Variants in PARD3B observed in about 807,000 individuals in gnomAD.
The protein encoded by PARD3B is partitioning defective 3 homolog B.
In PARD3B, 103 loss-of-function variants were observed where a neutral mutation model predicts 130.2. That is an observed-to-expected ratio of 0.79 (90% CI 0.67 to 0.93). PARD3B has a LOEUF of 0.93. Among genes scored for constraint, PARD3B ranks in the 40% least tolerant of loss-of-function variants. The probability of loss-of-function intolerance (pLI) is 0.00; values close to 1 mark genes in which losing one functional copy is unlikely to be tolerated. For missense variants in PARD3B, 1,609 were observed against 1,499.2 expected, an observed-to-expected ratio of 1.07 and a Z score of -1.21; for synonymous variants, 583 against 553.2, an observed-to-expected ratio of 1.05 and a Z score of -0.76.
chr2:204,698,123 G>A (rs1173100911), intron 2 of PARD3B, among the ~76,000 whole-genome samples: 1 of 152,012 alleles, frequency 6.6e-6, no homozygotes, highest in Non-Finnish European at 1.5e-5. Flanking sequence ...CCAATTACAC[G>A]GGCCATGTAT....
At chr2:204,958,467 A>G (rs1298727203) in intron 2 of PARD3B, among the ~76,000 whole-genome samples, 1 of 152,206 alleles carries the variant, frequency 6.6e-6, no homozygotes, top group African/African-American at 2.4e-5. Flanking sequence ...GTGTTCTTGT[A>G]TGATGAAGAA....
intron 22 of PARD3B, among the ~76,000 whole-genome samples, chr2:205,614,153 A>G (rs961932784): frequency 6.6e-6 from 1 of 152,174 alleles, no homozygotes. Flanking sequence ...CCCAGGCTAG[A>G]TAAAATGCAG....
rs189186138 is a variant in PARD3B, at chr2:205,012,687, T to G, written c.395-34894T>G. On this transcript the variant is annotated intron_variant, in intron 3 of 22. Coordinates refer to ENST00000406610, the MANE Select transcript of PARD3B (RefSeq NM_001302769.2). The stretch of plus-strand genomic sequence containing the variant: ...AACGCATACAACCGCATTAAAGAGA[T>G]AGTGTTTTAACTGCACATATAACTT... Among the ~76,000 whole-genome samples the G allele has an allele frequency of 9.2e-5, 14 of 152,360 alleles. 1 individual carries two copies. The highest frequency in any genetic ancestry group is 2.9e-4 in the African/African-American group (12 of 41,596).
chr2:205,581,452 T>C (rs1321206656), intron 22 of PARD3B, among the ~76,000 whole-genome samples: 1 of 146,542 alleles, frequency 6.8e-6, no homozygotes, highest in Non-Finnish European at 1.5e-5. Context: ...TATAAATATA[T>C]ATGACAGGAT....
rs1007684357 is a variant in PARD3B at position 204,907,160 on chromosome 2, T to G, written c.223-57992T>G. 2.6e-5 allele frequency among the ~76,000 whole-genome samples: 4 copies of G among 152,084 alleles called. No individual in the cohort carries two copies. Among genetic ancestry groups the G allele is most frequent in the Non-Finnish European group, 1.5e-5 (1 of 68,024 alleles). On this transcript the variant is annotated intron_variant, in intron 2 of 22. Transcript: ENST00000406610. This position sits in a 1 kb window ranked among gnomAD's most constrained non-coding sequence, Gnocchi z 5.7. Reference sequence around the variant, plus strand: ...CACACCCGGCTCTTTTTTCATATTTTTAGTAAAGACGGGGTTTCACCGTGT... The same window carrying G: ...CACACCCGGCTCTTTTTTCATATTTGTAGTAAAGACGGGGTTTCACCGTGT...
chr2:204,939,905 CT>C (rs1444345530), intron 2 of PARD3B, among the ~76,000 whole-genome samples: 2 of 152,152 alleles, frequency 1.3e-5, no homozygotes, highest in Non-Finnish European at 2.9e-5. Context: ...CCCAAATGTA[CT>C]TAAATTACCA....
chr2:204,994,978 G>C (rs1329848496), intron 3 of PARD3B, among the ~76,000 whole-genome samples: 1 of 150,862 alleles, frequency 6.6e-6, no homozygotes, highest in African/African-American at 2.4e-5. Context: ...GTGTGTCTCT[G>C]CACGTGAGAT....
chr2:205,224,370 C>CAAAAAAAAAAAAAAAAAA (rs1231030778), intron 15 of PARD3B, among the ~76,000 whole-genome samples: 6 of 55,964 alleles, frequency 1.1e-4, no homozygotes, highest in Non-Finnish European at 1.7e-4. Context: ...GACTCCGTCT[C>CAAAAAAAAAAAAAAAAAA]AAAAAAAAAA....
intron 2 of PARD3B, among the ~76,000 whole-genome samples, chr2:204,743,893 C>T (rs570149382): frequency 6.6e-6 from 1 of 152,206 alleles, no homozygotes; most frequent in Admixed American, 6.6e-5. Flanking sequence ...ATTTCTTTCA[C>T]TGAGAAGTAT....
rs1292149722 is a variant in PARD3B at position 205,562,141 on chromosome 2, A to C, written c.3260+8738A>C. 2.6e-5 allele frequency among the ~76,000 whole-genome samples: 4 copies of C among 152,360 alleles called. No individual in the cohort carries two copies. In the East Asian group the frequency reaches 7.7e-4, roughly 29 times the overall value. ...CCAAACAGCTGAGATCAGGGGGTTA[A>C]TGCTACTGCCACCTCATTTTTATGT... On this transcript the variant is annotated intron_variant, in intron 22 of 22. Transcript: ENST00000406610. This position sits in a 1 kb window ranked among gnomAD's most constrained non-coding sequence, Gnocchi z 5.4.
rs142823707 is a variant in PARD3B at position 205,189,633 on chromosome 2, G to C, written c.2025-3572G>C. On this transcript the variant is annotated intron_variant, in intron 14 of 22. Transcript: ENST00000406610. The stretch of plus-strand genomic sequence containing the variant: ...TTAATCATTGTGTCACCCTCTTAAT[G>C]CAAACACTCGAGATATGTAGCGTAA... 6.6e-3 allele frequency among the ~76,000 whole-genome samples: 1,000 copies of C among 152,198 alleles called. 8 individuals are homozygous for C. Among genetic ancestry groups the C allele is most frequent in the African/African-American group, 0.022 (929 of 41,506 alleles).
Position 205,258,794 on chromosome 2 carries a change from G to A in PARD3B, c.2185+12972G>A, listed in dbSNP as rs758318144. Among the ~76,000 whole-genome samples the A allele has an allele frequency of 1.3e-5, 2 of 152,140 alleles. No individual in the cohort carries two copies. Among genetic ancestry groups the A allele is most frequent in the Non-Finnish European group, 2.9e-5 (2 of 68,016 alleles). On this transcript the variant is annotated intron_variant, in intron 16 of 22. Coordinates refer to ENST00000406610, the MANE Select transcript of PARD3B (RefSeq NM_001302769.2). The surrounding 1 kb of genome is among the most constrained non-coding windows in gnomAD (Gnocchi z 4.9). ...CAATGTGACAACCTGAATTGTAACT[G>A]GGGTTTAACACATTTACATTTATTG... is the stretch of plus-strand genomic sequence containing the variant.
chr2:204,635,242 G>A (rs1341331065), intron 1 of PARD3B, among the ~76,000 whole-genome samples: 3 of 152,110 alleles, frequency 2.0e-5, no homozygotes, highest in Admixed American at 6.5e-5. Context: ...TTCCTCCCCC[G>A]GACGAGGATC....
At chr2:204,552,449 A>T (rs1055895731) in intron 1 of PARD3B, among the ~76,000 whole-genome samples, 13 of 152,204 alleles carry the variant, frequency 8.5e-5, no homozygotes, top group Non-Finnish European at 1.0e-4. Context: ...GGCCATTTTT[A>T]GTGAGATTTA....
chr2:205,459,338 C>A (rs1254268377), intron 20 of PARD3B, among the ~76,000 whole-genome samples: 1 of 151,942 alleles, frequency 6.6e-6, no homozygotes, highest in Admixed American at 6.6e-5. Context: ...TTTGATTATT[C>A]TCATGAGAGT....
At chr2:204,919,927 C>CTTTTT (rs568605072) in intron 2 of PARD3B, among the ~76,000 whole-genome samples, 1 of 148,194 alleles carries the variant, frequency 6.7e-6, no homozygotes, top group Non-Finnish European at 1.5e-5. Context: ...CAGACAGTCA[C>CTTTTT]TTTTTTTTTT....
At position 204,848,240 on chromosome 2, in the gene PARD3B, A is replaced by G. The variant is rs755861342; in HGVS notation, c.223-116912A>G. Among the ~76,000 whole-genome samples, 148 of 152,298 alleles carry G rather than the reference A, an allele frequency of 9.7e-4. 1 individual carries two copies. Among genetic ancestry groups the G allele is most frequent in the Non-Finnish European group, 1.2e-3 (80 of 68,024 alleles). ...TTCAGTACTATCTGCAGTTTTAAGC[A>G]TCTACTGGCGGTCTTGGAGCATATC... On this transcript the variant is annotated intron_variant, in intron 2 of 22. Transcript: ENST00000406610.
chr2:205,336,727 A>G (rs1374670404), intron 18 of PARD3B, among the ~76,000 whole-genome samples: 1 of 152,202 alleles, frequency 6.6e-6, no homozygotes, highest in Non-Finnish European at 1.5e-5. Context: ...AAAAGCAGGT[A>G]ATTATGTTAC....
Position 205,291,336 on chromosome 2 carries a change from A to G in PARD3B, c.2186-9194A>G, listed in dbSNP as rs139931281. Among the ~76,000 whole-genome samples, 138 of 152,348 alleles carry G rather than the reference A, an allele frequency of 9.1e-4. 3 individuals carry two copies. The highest frequency in any genetic ancestry group is 6.8e-3 in the Middle Eastern group (2 of 294). The stretch of plus-strand genomic sequence containing the variant: ...AAAGCTTCGATCTCTGAGTCTTCTT[A>G]GATGATACCCACATAATCTTGAATA... On this transcript the variant is annotated intron_variant, in intron 16 of 22. Coordinates refer to ENST00000406610, the MANE Select transcript of PARD3B (RefSeq NM_001302769.2). The surrounding 1 kb of genome is among the most constrained non-coding windows in gnomAD (Gnocchi z 4.6).
Sources: allele counts gnomAD v4.1 joint callset (sites outside exome capture counted in the v4.1 genomes callset), GRCh38; gene constraint gnomAD v4.1.1; non-coding constraint Gnocchi (gnomAD v3.1); transcripts MANE v1.5; gene names NCBI Gene and HGNC (gene_info 2026-07-23, HGNC 2026-07-21).